The following AGO2 variants were observed in gnomAD, a reference collection of about 807,000 sequenced individuals.
AGO2 encodes protein argonaute-2.
Under a neutral mutation model 102.3 loss-of-function variants are expected in AGO2, and 5 were observed. The ratio of observed to expected loss-of-function variants is 0.05; its 90% CI spans 0.03 to 0.10. The LOEUF (loss-of-function observed/expected upper bound fraction) is 0.10, where lower values mean the gene tolerates loss of function less well. Ranked by LOEUF, AGO2 falls within the 10% of genes least tolerant of loss-of-function variation. AGO2 has a pLI of 1.00. For synonymous variants in AGO2, 449 were observed against 473.1 expected (o/e 0.95, Z 0.66); for missense variants, 541 against 1,183.7 (o/e 0.46, Z 7.97).
intron 16 of AGO2, among the ~76,000 whole-genome samples, chr8:140,538,423 G>A (rs1010617984): frequency 2.0e-4 from 31 of 152,210 alleles, no homozygotes; most frequent in African/African-American, 7.2e-4. Flanking sequence ...GTGGACAGGT[G>A]TGAGTTTCTT....
At chr8:140,595,968 T>TTA (rs1164562846) in intron 1 of AGO2, among the ~76,000 whole-genome samples, 3 of 83,256 alleles carry the variant, frequency 3.6e-5, no homozygotes, top group Admixed American at 1.7e-4. Context: ...TATATATAAA[T>TTA]TATATATATT....
At chr8:140,612,493 T>G (rs1035208648) in intron 1 of AGO2, among the ~76,000 whole-genome samples, 1 of 151,578 alleles carries the variant, frequency 6.6e-6, no homozygotes, top group African/African-American at 2.4e-5. Flanking sequence ...TGGCTGGGTG[T>G]GGTGGCTCAC....
chr8:140,609,246 C>T (rs184006889), intron 1 of AGO2, among the ~76,000 whole-genome samples: 33 of 152,364 alleles, frequency 2.2e-4, no homozygotes, highest in African/African-American at 7.2e-4. Context: ...ATAAGAAACC[C>T]GTTTTGAGCC....
intron 1 of AGO2, among the ~76,000 whole-genome samples, chr8:140,590,202 G>A (rs930691239): frequency 4.6e-5 from 7 of 152,180 alleles, no homozygotes; most frequent in African/African-American, 1.2e-4. Context: ...GCTGGAGCTG[G>A]GTCCCCAGCT....
intron 12 of AGO2, among the ~76,000 whole-genome samples, chr8:140,548,704 G>A (rs11784591): frequency 1.3e-5 from 2 of 152,172 alleles, no homozygotes; most frequent in African/African-American, 4.8e-5. Context: ...ATGGACTTTG[G>A]CGAAACTCCA....
chr8:140,556,924 A>T (rs189350821), intron 8 of AGO2, among the ~76,000 whole-genome samples, 165 bp downstream of exon 8: 274 of 152,166 alleles, frequency 1.8e-3, no homozygotes, highest in African/African-American at 6.2e-3. Flanking sequence ...TGAAGGCAAA[A>T]CCGAGGTGTA....
chr8:140,549,603 G>GGCTGGGGC (rs2072961420), intron 11 of AGO2, among the ~76,000 whole-genome samples: 1 of 152,250 alleles, frequency 6.6e-6, no homozygotes, highest in Non-Finnish European at 1.5e-5. Context: ...GCTGCCTCGC[G>GGCTGGGGC]GCTGTGGCGG....
At chr8:140,609,131 C>A (rs1047211111) in intron 1 of AGO2, among the ~76,000 whole-genome samples, 11 of 152,224 alleles carry the variant, frequency 7.2e-5, no homozygotes, top group Admixed American at 6.5e-5. Context: ...CTGGGGGCCA[C>A]GGGCTTGTGT....
rs554897087 is a variant in AGO2, at chr8:140,583,995, G to A, written c.215+1124C>T. Among the ~76,000 whole-genome samples, 5 of 152,278 alleles carry A rather than the reference G, an allele frequency of 3.3e-5. 1 individual carries two copies. The highest frequency in any genetic ancestry group is 1.2e-4 in the African/African-American group (5 of 41,560). On this transcript the variant is annotated intron_variant, in intron 2 of 18. Transcript: ENST00000220592. ...CACGGTGGTATATGTGTCTGTCACT[G>A]GCCAAACGTTGTCATGCGGTACATG...
rs199982320 is a variant in AGO2 at position 140,542,573 on chromosome 8, G to GAA, written c.1840-1217_1840-1216dup. ...CAGATTTCTCTGTTCCTGAAAACTTGAAAAAAAAAAAAAAAACCAGCCTAA... is the reference window on the plus strand; with the variant it reads ...CAGATTTCTCTGTTCCTGAAAACTTGAAAAAAAAAAAAAAAAAACCAGCCTAA... On this transcript the variant is annotated intron_variant, in intron 14 of 18. Coordinates refer to ENST00000220592, the MANE Select transcript of AGO2 (RefSeq NM_012154.5). Among the ~76,000 whole-genome samples, 463 of 101,710 alleles carry GAA rather than the reference G, an allele frequency of 4.6e-3. 3 individuals carry two copies. The highest frequency in any genetic ancestry group is 7.5e-3 in the East Asian group (24 of 3,194). 66.7% of individuals were successfully genotyped at this position (101,710 alleles called of 152,430 possible).
intron 1 of AGO2, among the ~76,000 whole-genome samples, chr8:140,611,976 G>C (rs1339064869): frequency 6.6e-6 from 1 of 152,122 alleles, no homozygotes; most frequent in Non-Finnish European, 1.5e-5. Flanking sequence ...TGTAATCCCA[G>C]CACTTTGGGA....
chr8:140,598,509 T>C (rs1446936899), intron 1 of AGO2, among the ~76,000 whole-genome samples: 2 of 152,310 alleles, frequency 1.3e-5, no homozygotes. Context: ...GTGCCTCCAT[T>C]TCCCTGTGCG....
At chr8:140,627,796 C>A (rs769251145) in intron 1 of AGO2, among the ~76,000 whole-genome samples, 4 of 152,216 alleles carry the variant, frequency 2.6e-5, no homozygotes, top group Non-Finnish European at 5.9e-5. Flanking sequence ...GCACCCCACA[C>A]AAGCATGGCG....
At position 140,560,408 on chromosome 8, in the gene AGO2, C is replaced by T. The variant is rs1324487764; in HGVS notation, c.621G>A (p.Arg207=). The T allele has an allele frequency of 5.6e-6, 9 of 1,614,096 alleles. No homozygotes were observed. The East Asian group carries it at 1.6e-4, about 28-fold the overall frequency. ...EVWFGFHQSV[R]PSLWKMMLNI... ...TCAGCATCATTTTCCAGAGAGAAGG[C>T]CGGACGGACTGATGGAAGCCAAACC... Residue 207 remains arginine (R), a synonymous_variant, in exon 5 of 19, where the codon CGG becomes CGA. Coordinates refer to ENST00000220592, the MANE Select transcript of AGO2 (RefSeq NM_012154.5).
In AGO2 at chr8:140,527,797, CACTGGGATTGTCCACTG is replaced by C. The variant is rs2072530476; in HGVS notation, c.*4230_*4246del. The C allele has an allele frequency of 6.6e-6, 1 of 152,276 alleles. No homozygotes were observed. Among genetic ancestry groups the C allele is most frequent in the Non-Finnish European group, 1.5e-5 (1 of 68,058 alleles). 9.4% of individuals were successfully genotyped at this position (152,276 alleles called of 1,614,324 possible). A position where few individuals can be genotyped will look rare whatever the true frequency, so the allele number is the denominator to read the frequency against. The stretch of plus-strand genomic sequence containing the variant: ...AAAATGTCGTATGGCTTGTCTGGGC[CACTGGGATTGTCCACTG>C]TCTGGATTATGTCGACTTCTAAAGC... On this transcript the variant is annotated 3_prime_UTR_variant, in exon 19 of 19. Transcript: ENST00000220592. This position sits in a 1 kb window ranked among gnomAD's most constrained non-coding sequence, Gnocchi z 6.0.
intron 1 of AGO2, among the ~76,000 whole-genome samples, chr8:140,624,639 G>A (rs2074253572): frequency 1.3e-5 from 2 of 152,342 alleles, no homozygotes; most frequent in South Asian, 4.1e-4. Flanking sequence ...GCCACCAACT[G>A]CGAACATCCA....
At chr8:140,638,112 T>C (rs2074421937), upstream of AGO2, 1 of 152,280 alleles carries the variant, frequency 6.6e-6, no homozygotes, top group South Asian at 2.1e-4. Flanking sequence ...CTCTGCACAC[T>C]GGGTGCACTC....
At chr8:140,616,681 AG>A (rs1407129511) in intron 1 of AGO2, among the ~76,000 whole-genome samples, 1 of 152,224 alleles carries the variant, frequency 6.6e-6, no homozygotes, top group Non-Finnish European at 1.5e-5. Context: ...AGCAGTGGGC[AG>A]GGCCTGGGTG....
intron 2 of AGO2, 88 bp downstream of exon 2, chr8:140,585,031 T>C (rs2073630887): frequency 2.3e-6 from 3 of 1,319,392 alleles, no homozygotes; most frequent in Non-Finnish European, 3.1e-6. Context: ...CAGATGGATC[T>C]GCTGAGAATT....
Sources: gnomAD v4.1 joint callset for allele counts (sites outside exome capture counted in the v4.1 genomes callset) on GRCh38, gnomAD v4.1.1 for gene constraint, Gnocchi (gnomAD v3.1) non-coding constraint, MANE v1.5 for transcripts, NCBI Gene and HGNC (gene_info 2026-07-23, HGNC 2026-07-21) for gene names.